Variants in PCDHGC4 observed in about 807,000 individuals in gnomAD.
PCDHGC4 encodes the protein protocadherin gamma subfamily C, 4.
PCDHGC4 carries 15 observed loss-of-function variants against 59.7 expected under a neutral mutation model. That is an observed-to-expected ratio of 0.25 (90% CI 0.17 to 0.39). The LOEUF is 0.39. Among genes scored for constraint, PCDHGC4 ranks in the 10% least tolerant of loss-of-function variants. The pLI is 1.00. For missense variants in PCDHGC4, 1,016 were observed against 1,189.5 expected (o/e 0.85, Z 2.15); for synonymous variants, 434 against 481.4 (o/e 0.90, Z 1.29).
rs145936007 is a variant in PCDHGC4, at chr5:141,490,795, C to T, written c.2442+3180C>T. 2.0e-5 allele frequency: 33 copies of T among 1,614,036 alleles called. No homozygotes were observed. Among genetic ancestry groups the T allele is most frequent in the Non-Finnish European group, 2.8e-5 (33 of 1,179,922 alleles). ...CCCAGAGGATGGACGGATCTTTGCC[C>T]AGCGTACCTTTGACTATGAATTGCT... On this transcript the variant is annotated intron_variant, in intron 1 of 3. Coordinates refer to ENST00000306593, the MANE Select transcript of PCDHGC4 (RefSeq NM_018928.3). This position sits in a 1 kb window ranked among gnomAD's most constrained non-coding sequence, Gnocchi z 5.4.
intron 3 of PCDHGC4, 46 bp downstream of exon 3, chr5:141,505,527 T>C: frequency 6.2e-7 from 1 of 1,612,388 alleles, no homozygotes; most frequent in Non-Finnish European, 8.5e-7. Context: ...GACCTGGGGT[T>C]CTGGGGTGCA....
rs1297208780 is a variant in PCDHGC4 at position 141,486,613 on chromosome 5, T to C, written c.1440T>C (p.Ser480=). 2 of 1,613,658 alleles carry C rather than the reference T, an allele frequency of 1.2e-6. No individual in the cohort carries two copies. The highest frequency in any genetic ancestry group is 2.7e-5 in the African/African-American group (2 of 75,074). Residue 480 remains serine (S), a synonymous_variant, in exon 1 of 4, where the codon TCT becomes TCC. Coordinates refer to ENST00000306593, the MANE Select transcript of PCDHGC4 (RefSeq NM_018928.3). The surrounding 1 kb of genome is among the most constrained non-coding windows in gnomAD (Gnocchi z 5.0). ...PGDLLCSLAA[S]DPDSGLNALI... ...ACCTGCTTTGCTCCCTTGCAGCCTC[T>C]GACCCAGACTCTGGCTTGAATGCGC...
In PCDHGC4 at chr5:141,487,160, G is replaced by A. The variant is rs1188929436; in HGVS notation, c.1987G>A (p.Val663Met). 5.0e-6 allele frequency: 8 copies of A among 1,613,830 alleles called. No homozygotes were observed. The highest frequency in any genetic ancestry group is 5.1e-6 in the Non-Finnish European group (6 of 1,179,840). ...ACTCTCTACCTCTGTTACTCTCTTA[G>A]TGTCCTTAGAGGAAGACACTCATCC... Reference protein sequence around the residue: ...PPLSTSVTLLVSLEEDTHPVV... With the variant: ...PPLSTSVTLLMSLEEDTHPVV... The change falls in exon 1 of 4, where the codon GTG (valine) becomes ATG (methionine). Residue 663 changes from valine to methionine, a missense_variant. Physicochemically the swap from Val to Met is conservative, Grantham distance 21 (BLOSUM62 1). Transcript: ENST00000306593. The surrounding 1 kb of genome is among the most constrained non-coding windows in gnomAD (Gnocchi z 5.0).
chr5:141,500,871 T>C (rs2154592764), intron 2 of PCDHGC4, among the ~76,000 whole-genome samples: 1 of 135,840 alleles, frequency 7.4e-6, no homozygotes, highest in African/African-American at 3.0e-5. Context: ...TACACATTCA[T>C]TTACAATTTT....
At chr5:141,488,438 C>T (rs2099675393) in intron 1 of PCDHGC4, among the ~76,000 whole-genome samples, 1 of 152,146 alleles carries the variant, frequency 6.6e-6, no homozygotes, top group African/African-American at 2.4e-5. Flanking sequence ...CTCTGACCAC[C>T]CTCCTGGGTG....
intron 2 of PCDHGC4, among the ~76,000 whole-genome samples, chr5:141,501,620 T>G (rs1393018933): frequency 6.6e-6 from 1 of 152,090 alleles, no homozygotes; most frequent in Non-Finnish European, 1.5e-5. Context: ...GACTCTGGTA[T>G]AGTCTCTCAA....
Position 141,490,310 on chromosome 5 carries a change from AC to A in PCDHGC4, c.2442+2698del. 1 of 1,614,084 alleles carries A rather than the reference AC, an allele frequency of 6.2e-7. No homozygotes were observed. The highest frequency in any genetic ancestry group is 8.5e-7 in the Non-Finnish European group (1 of 1,180,012). ...GAGGTGCTATTGGCCTCTTTGGCCA[AC>A]CCTGTCCTAGAGAGCACACCAGTGG... is the stretch of plus-strand genomic sequence containing the variant. On this transcript the variant is annotated intron_variant, in intron 1 of 3. Transcript: ENST00000306593. This position sits in a 1 kb window ranked among gnomAD's most constrained non-coding sequence, Gnocchi z 5.4.
At position 141,490,545 on chromosome 5, in the gene PCDHGC4, C is replaced by T; in HGVS notation, c.2442+2930C>T. 3 of 1,614,164 alleles carry T rather than the reference C, an allele frequency of 1.9e-6. No homozygotes were observed. The highest frequency in any genetic ancestry group is 2.5e-6 in the Non-Finnish European group (3 of 1,180,018). ...GCGATGCTGGTTCACCTTCCCTACA[C>T]AAACATCTCACCATCAGGCTCAACA... On this transcript the variant is annotated intron_variant, in intron 1 of 3. Coordinates refer to ENST00000306593, the MANE Select transcript of PCDHGC4 (RefSeq NM_018928.3). The surrounding 1 kb of genome is among the most constrained non-coding windows in gnomAD (Gnocchi z 5.4).
rs200411745 is a variant in PCDHGC4, at chr5:141,490,281, C to T, written c.2442+2666C>T. The T allele has an allele frequency of 1.2e-6, 2 of 1,614,070 alleles. No homozygotes were observed. The highest frequency in any genetic ancestry group is 1.3e-5 in the African/African-American group (1 of 74,924). On this transcript the variant is annotated intron_variant, in intron 1 of 3. Transcript: ENST00000306593. This position sits in a 1 kb window ranked among gnomAD's most constrained non-coding sequence, Gnocchi z 5.4. The stretch of plus-strand genomic sequence containing the variant: ...ATGTGGGGGATGTCAATGACAATGC[C>T]CCAGAGGTGCTATTGGCCTCTTTGG...
intron 2 of PCDHGC4, among the ~76,000 whole-genome samples, chr5:141,499,022 A>C (rs1244590420): frequency 2.7e-5 from 4 of 150,722 alleles, no homozygotes; most frequent in Admixed American, 2.0e-4. Context: ...GGAAGGAAGG[A>C]AGGAAGAAAA....
rs778054090 is a variant in PCDHGC4 at position 141,505,509 on chromosome 5, G to C, written c.2590+28G>C. On this transcript the variant is annotated intron_variant, in intron 3 of 3. Coordinates refer to ENST00000306593, the MANE Select transcript of PCDHGC4 (RefSeq NM_018928.3). ...AAGTGGTGTCAGTGTGTGTATGGAA[G>C]AGTGGGAGACCTGGGGTTCTGGGGT... The C allele has an allele frequency of 3.7e-6, 6 of 1,614,058 alleles. No homozygotes were observed. The East Asian group carries it at 1.1e-4, about 30-fold the overall frequency.
intron 2 of PCDHGC4, 76 bp from the exon 3 acceptor site, chr5:141,505,317 G>T: frequency 6.2e-7 from 1 of 1,603,092 alleles, no homozygotes. Flanking sequence ...AGGTTTGGGA[G>T]CCCTGGGAGA....
intron 1 of PCDHGC4, among the ~76,000 whole-genome samples, chr5:141,492,964 C>CT (rs2099745347): frequency 6.6e-6 from 1 of 152,354 alleles, no homozygotes; most frequent in Non-Finnish European, 1.5e-5. Context: ...ATCTGACACT[C>CT]TAACAAGTCC....
Position 141,511,212 on chromosome 5 carries a change from C to T in PCDHGC4, c.*39C>T. ...CCAAGAGCCACAGGGCGGCCTCTCC[C>T]CAACCAGCCCAGCTTCTCCTTACCT... is the stretch of plus-strand genomic sequence containing the variant. On this transcript the variant is annotated 3_prime_UTR_variant, in exon 4 of 4. Coordinates refer to ENST00000306593, the MANE Select transcript of PCDHGC4 (RefSeq NM_018928.3). 6.2e-7 allele frequency: 1 copy of T among 1,608,656 alleles called. No individual in the cohort carries two copies. Among genetic ancestry groups the T allele is most frequent in the Non-Finnish European group, 8.5e-7 (1 of 1,177,502 alleles).
intron 2 of PCDHGC4, among the ~76,000 whole-genome samples, chr5:141,496,557 C>T (rs190275684): frequency 2.0e-5 from 3 of 152,258 alleles, no homozygotes; most frequent in Admixed American, 1.3e-4. Flanking sequence ...TGGGCATGCA[C>T]AGTCCTGTCA....
At chr5:141,499,689 CTTTTTTTTTTT>C in intron 2 of PCDHGC4, among the ~76,000 whole-genome samples, 1 of 119,852 alleles carries the variant, frequency 8.3e-6, no homozygotes, top group Non-Finnish European at 1.7e-5. Context: ...TAACAGATGA[CTTTTTTTTTTT>C]TTTTTTTTTT....
In PCDHGC4 at chr5:141,489,574, C is replaced by T. The variant is rs963768096; in HGVS notation, c.2442+1959C>T. The T allele has an allele frequency of 2.5e-6, 4 of 1,613,978 alleles. No homozygotes were observed. The highest frequency in any genetic ancestry group is 3.4e-6 in the Non-Finnish European group (4 of 1,180,014). ...GCTGCCAGTGCAGGTGGTGACTGAA[C>T]ACCCCCTGGAGCTAATCCGTGTAGA... On this transcript the variant is annotated intron_variant, in intron 1 of 3. Coordinates refer to ENST00000306593, the MANE Select transcript of PCDHGC4 (RefSeq NM_018928.3). This position sits in a 1 kb window ranked among gnomAD's most constrained non-coding sequence, Gnocchi z 4.5.
intron 1 of PCDHGC4, 100 bp from the exon 2 acceptor site, chr5:141,494,707 G>A: frequency 2.5e-6 from 4 of 1,599,238 alleles, no homozygotes; most frequent in Non-Finnish European, 3.4e-6. Context: ...TCTTCTCTGT[G>A]CCCACTCCCC....
At chr5:141,492,822 C>T (rs1241767956) in intron 1 of PCDHGC4, among the ~76,000 whole-genome samples, 1 of 152,238 alleles carries the variant, frequency 6.6e-6, no homozygotes, top group Non-Finnish European at 1.5e-5. Context: ...GCACCAGCGG[C>T]CCCTTCCTCC....
Sources: allele counts gnomAD v4.1 joint callset (sites outside exome capture counted in the v4.1 genomes callset), GRCh38; gene constraint gnomAD v4.1.1; non-coding constraint Gnocchi (gnomAD v3.1); transcripts MANE v1.5; gene names NCBI Gene and HGNC (gene_info 2026-07-23, HGNC 2026-07-21).